MAP2K1: variants seen among roughly 807,000 people sequenced by gnomAD.
MAP2K1 encodes the protein mitogen-activated protein kinase kinase 1, also known as dual specificity mitogen-activated protein kinase kinase 1.
In MAP2K1, 16 loss-of-function variants were observed where a neutral mutation model predicts 46.3. The ratio of observed to expected loss-of-function variants is 0.35; its 90% confidence interval spans 0.23 to 0.52. The LOEUF is 0.52. Among genes scored for constraint, MAP2K1 ranks in the 20% least tolerant of loss-of-function variants. MAP2K1 has a pLI of 0.94. For synonymous variants in MAP2K1, 183 were observed against 185.6 expected (o/e 0.99, Z 0.11); for missense variants, 263 against 497.1 (o/e 0.53, Z 4.48).
At chr15:66,480,247 C>G (rs1300374021) in intron 5 of MAP2K1, among the ~76,000 whole-genome samples, 3 of 152,072 alleles carry the variant, frequency 2.0e-5, no homozygotes, top group African/African-American at 7.2e-5. Context: ...CACCACCACT[C>G]CTGGCTAATT....
intron 3 of MAP2K1, among the ~76,000 whole-genome samples, chr15:66,440,536 T>C (rs1428305927): frequency 6.6e-6 from 1 of 152,176 alleles, no homozygotes; most frequent in Non-Finnish European, 1.5e-5. Flanking sequence ...AGGAGGGAAA[T>C]TGATGCTCTC....
At chr15:66,487,133 T>C (rs1893060231) in intron 7 of MAP2K1, 95 bp from the exon 8 acceptor site, 1 of 993,712 alleles carries the variant, frequency 1.0e-6, no homozygotes. Context: ...TCCATGACCC[T>C]GTTCTGGTCC....
intron 1 of MAP2K1, among the ~76,000 whole-genome samples, chr15:66,398,337 G>A (rs1216909956): frequency 6.6e-6 from 1 of 152,098 alleles, no homozygotes; most frequent in Non-Finnish European, 1.5e-5. Flanking sequence ...GATTGCTTGA[G>A]CCCAGGTGGC....
chr15:66,405,821 A>G (rs2093395176), intron 1 of MAP2K1, among the ~76,000 whole-genome samples: 1 of 152,232 alleles, frequency 6.6e-6, no homozygotes, highest in Non-Finnish European at 1.5e-5. Context: ...TTCCATTCTT[A>G]ATGTATGAAA....
intron 1 of MAP2K1, among the ~76,000 whole-genome samples, chr15:66,413,106 G>C (rs2093415500): frequency 6.6e-6 from 1 of 152,086 alleles, no homozygotes; most frequent in South Asian, 2.1e-4. Context: ...ATGTTGGCCA[G>C]GCTGGCCTCG....
At chr15:66,417,789 T>C (rs1193713414) in intron 1 of MAP2K1, among the ~76,000 whole-genome samples, 1 of 152,100 alleles carries the variant, frequency 6.6e-6, no homozygotes, top group African/African-American at 2.4e-5. Context: ...TTCTTGTATA[T>C]AAGGGGGAAG....
At chr15:66,431,078 G>C (rs1411121503) in intron 1 of MAP2K1, among the ~76,000 whole-genome samples, 1 of 152,130 alleles carries the variant, frequency 6.6e-6, no homozygotes, top group African/African-American at 2.4e-5. Context: ...CTGGAGAGAG[G>C]GCTGTGTGTG....
intron 5 of MAP2K1, among the ~76,000 whole-genome samples, chr15:66,474,364 T>C (rs914655592): frequency 2.0e-5 from 3 of 152,168 alleles, no homozygotes; most frequent in Non-Finnish European, 4.4e-5. Context: ...TTTCTTGCAG[T>C]TGGCCTTGTC....
chr15:66,453,278 T>G (rs978784781), intron 5 of MAP2K1, among the ~76,000 whole-genome samples: 2 of 152,232 alleles, frequency 1.3e-5, no homozygotes, highest in Non-Finnish European at 1.5e-5. Flanking sequence ...CTTTTTTGGC[T>G]TCACCAATTG....
At chr15:66,464,884 T>TA (rs1310793182) in intron 5 of MAP2K1, among the ~76,000 whole-genome samples, 1 of 151,402 alleles carries the variant, frequency 6.6e-6, no homozygotes, top group East Asian at 2.0e-4. Context: ...GTCCAAACTG[T>TA]AAAAAATGAT....
At chr15:66,470,094 GTTTTTTTTTTTTT>G (rs55637393) in intron 5 of MAP2K1, among the ~76,000 whole-genome samples, 1 of 76,602 alleles carries the variant, frequency 1.3e-5, no homozygotes, top group East Asian at 3.9e-4. Flanking sequence ...TTTTTTTCTT[GTTTTTTTTTTTTT>G]TTTTTTTTTT....
chr15:66,491,522 TAA>T lies in MAP2K1; in HGVS notation c.*916_*917del. The T allele has an allele frequency of 1.1e-5, 2 of 184,076 alleles. No individual in the cohort carries two copies. Among genetic ancestry groups the T allele is most frequent in the African/African-American group, 2.4e-5 (1 of 41,672 alleles). 11.4% of individuals were successfully genotyped at this position (184,076 alleles called of 1,614,324 possible). Reference sequence around the variant, plus strand: ...TTATTCTAATAAATATACTATGAAATAAAAAAAAAAGGATGAAAGCTACTTTT... The same window carrying T: ...TTATTCTAATAAATATACTATGAAATAAAAAAAAGGATGAAAGCTACTTTT... On this transcript the variant is annotated 3_prime_UTR_variant, in exon 11 of 11. Coordinates refer to ENST00000307102, the MANE Select transcript of MAP2K1 (RefSeq NM_002755.4).
chr15:66,481,535 C>G (rs545384654), intron 5 of MAP2K1, among the ~76,000 whole-genome samples: 1 of 152,184 alleles, frequency 6.6e-6, no homozygotes, highest in Non-Finnish European at 1.5e-5. Context: ...TGTTCTACTT[C>G]TACAGCAGCT....
intron 1 of MAP2K1, among the ~76,000 whole-genome samples, chr15:66,425,085 T>C (rs2093454325): frequency 6.6e-6 from 1 of 152,154 alleles, no homozygotes; most frequent in South Asian, 2.1e-4. Flanking sequence ...CATGAGCCAC[T>C]GTGCCCAGCC....
At chr15:66,409,332 C>T (rs2093405674) in intron 1 of MAP2K1, among the ~76,000 whole-genome samples, 1 of 152,174 alleles carries the variant, frequency 6.6e-6, no homozygotes, top group Non-Finnish European at 1.5e-5. Flanking sequence ...GTGAGAACAT[C>T]TTCCCTATTC....
chr15:66,420,805 GTA>G lies in MAP2K1; in HGVS notation c.81-14214_81-14213del, dbSNP rs1327368528. ...TATATATATGTGTGTATATATATGT[GTA>G]TATATATGTGTATATATATATGTGT... On this transcript the variant is annotated intron_variant, in intron 1 of 10. Transcript: ENST00000307102. Among the ~76,000 whole-genome samples, 14 of 63,048 alleles carry G rather than the reference GTA, an allele frequency of 2.2e-4. 2 individuals are homozygous for G. The highest frequency in any genetic ancestry group is 4.2e-4 in the African/African-American group (9 of 21,508). The allele number at this position is 63,048 out of a possible 152,430, so 41.4% of individuals were successfully genotyped here.
At chr15:66,421,128 A>G (rs1237575749) in intron 1 of MAP2K1, among the ~76,000 whole-genome samples, 1 of 20,666 alleles carries the variant, frequency 4.8e-5, no homozygotes, top group African/African-American at 9.0e-5. Context: ...ACACACACAT[A>G]TATATATATA....
chr15:66,435,243 T>C lies in MAP2K1; in HGVS notation c.291+6T>C, dbSNP rs1252335605. On this transcript the variant is annotated splice_donor_region_variant and intron_variant, in intron 2 of 10. Coordinates refer to ENST00000307102, the MANE Select transcript of MAP2K1 (RefSeq NM_002755.4). Reference sequence around the variant, plus strand: ...GCCTGGTCATGGCCAGAAAGGTGAGTTTGCCTTGATTAACAGGTAATTGGA... The same window carrying C: ...GCCTGGTCATGGCCAGAAAGGTGAGCTTGCCTTGATTAACAGGTAATTGGA... 1 of 1,612,066 alleles carries C rather than the reference T, an allele frequency of 6.2e-7. No individual in the cohort carries two copies. Among genetic ancestry groups the C allele is most frequent in the South Asian group, 1.1e-5 (1 of 91,028 alleles).
At chr15:66,482,700 G>A (rs951993015) in intron 6 of MAP2K1, among the ~76,000 whole-genome samples, 2 of 152,202 alleles carry the variant, frequency 1.3e-5, no homozygotes, top group Non-Finnish European at 2.9e-5. Flanking sequence ...CATGTGGTAG[G>A]TGTTCAGGGA....
Sources: gnomAD v4.1 joint callset for allele counts (sites outside exome capture counted in the v4.1 genomes callset) on GRCh38, gnomAD v4.1.1 for gene constraint, MANE v1.5 for transcripts, NCBI Gene and HGNC (gene_info 2026-07-23, HGNC 2026-07-21) for gene names.